Variants in FUS observed in about 807,000 individuals in gnomAD.
The protein encoded by FUS is FUS RNA binding protein, also known as RNA-binding protein FUS.
A neutral mutation model predicts 82.7 loss-of-function variants in FUS; 5 were observed. The ratio of observed to expected loss-of-function variants is 0.06; its 90% confidence interval spans 0.03 to 0.13. The LOEUF (loss-of-function observed/expected upper bound fraction) is 0.13. Ranked by LOEUF, FUS falls within the 10% of genes least tolerant of loss-of-function variation. The pLI is 1.00. For synonymous variants in FUS, 281 were observed against 247.4 expected (o/e 1.14, Z -1.27); for missense variants, 512 against 707.8 (o/e 0.72, Z 3.14).
At chr16:31,188,010 G>A (rs1428259539) in intron 7 of FUS, 1 of 458,846 alleles carries the variant, frequency 2.2e-6, no homozygotes, top group Non-Finnish European at 3.9e-6. Flanking sequence ...TCACTTTAAT[G>A]GGTCTCCGTT....
At chr16:31,193,454 T>A (rs145070922), downstream of FUS, 62 of 527,902 alleles carry the variant, frequency 1.2e-4, no homozygotes, top group African/African-American at 1.1e-3. Context: ...TAGTTCACTG[T>A]TGGTGCTTTG....
rs550102322 is a variant in FUS at position 31,188,691 on chromosome 16, G to A, written c.832+334G>A. On this transcript the variant is annotated intron_variant, in intron 8 of 14. Transcript: ENST00000254108. ...CAAAATGTGGATCATGTCCAAGTTG[G>A]TGAACAAAACTAGTGAAAGACCTGA... is the stretch of plus-strand genomic sequence containing the variant. 13 of 491,564 alleles carry A rather than the reference G, an allele frequency of 2.6e-5. No individual in the cohort carries two copies. The South Asian group carries it at 3.2e-4, about 12-fold the overall frequency. The allele number at this position is 491,564 out of a possible 1,614,324, so 30.5% of individuals were successfully genotyped here.
At chr16:31,190,428 C>G (rs777813607) in intron 12 of FUS, 30 bp downstream of exon 12, 1 of 1,613,872 alleles carries the variant, frequency 6.2e-7, no homozygotes, top group Admixed American at 1.7e-5. Context: ...TTTCTTAGTT[C>G]TCTTGCATGC....
chr16:31,185,433 A>C (rs995678021), intron 6 of FUS: 17 of 654,950 alleles, frequency 2.6e-5, no homozygotes, highest in Admixed American at 9.6e-5. Context: ...AAAAAAAGAA[A>C]CCATACATAG....
In FUS at chr16:31,180,150, C is replaced by G; in HGVS notation, c.-65C>G. 6.3e-7 allele frequency: 1 copy of G among 1,589,804 alleles called. No homozygotes were observed. ...CAGGAGGCGGGGCTGCTCAGTCCTCCAGGCGTCGGTACTCAGCGGTGTTGG... is the reference window on the plus strand; with the variant it reads ...CAGGAGGCGGGGCTGCTCAGTCCTCGAGGCGTCGGTACTCAGCGGTGTTGG... On this transcript the variant is annotated 5_prime_UTR_variant, in exon 1 of 15. Coordinates refer to ENST00000254108, the MANE Select transcript of FUS (RefSeq NM_004960.4).
rs1174963505 is a variant in FUS, at chr16:31,190,110, T to C, written c.1137T>C (p.Gly379=). 3.7e-6 allele frequency: 6 copies of C among 1,613,976 alleles called. No homozygotes were observed. The highest frequency in any genetic ancestry group is 5.1e-6 in the Non-Finnish European group (6 of 1,179,998). The change falls in exon 11 of 15, where the codon GGT becomes GGC. Residue 379 remains glycine, a synonymous_variant. Transcript: ENST00000254108. The part of the protein sequence containing the change: ...ATRRADFNRG[G]GNGRGGRGRG... Reference sequence around the variant, plus strand: ...GCCGGGCAGACTTTAATCGGGGTGGTGGCAATGGTCGTGGAGGCCGAGGGC... The same window carrying C: ...GCCGGGCAGACTTTAATCGGGGTGGCGGCAATGGTCGTGGAGGCCGAGGGC...
At chr16:31,190,888 CTTAAT>C in intron 13 of FUS, 46 bp downstream of exon 13, 1 of 1,612,958 alleles carries the variant, frequency 6.2e-7, no homozygotes, top group South Asian at 1.1e-5. Flanking sequence ...CCAAAGAATC[CTTAAT>C]TTTTCAGCGG....
intron 12 of FUS, 40 bp downstream of exon 12, chr16:31,190,438 C>T (rs963233778): frequency 1.2e-5 from 19 of 1,613,316 alleles, no homozygotes; most frequent in Admixed American, 5.0e-5. Context: ...CTCTTGCATG[C>T]GTGCTCTTTG....
chr16:31,183,574 G>C, intron 3 of FUS: 1 of 460,972 alleles, frequency 2.2e-6, no homozygotes, highest in Non-Finnish European at 4.0e-6. Context: ...ATATTACAGT[G>C]CTGTTAACAG....
Position 31,186,913 on chromosome 16 carries a change from G to C in FUS, c.799+77G>C, listed in dbSNP as rs752975800. ...ATTGTTCATTTGCAGATGTCTTAGC[G>C]TGTTAATTTAAATGTCAAAGGTTTT... On this transcript the variant is annotated intron_variant, in intron 7 of 14. Coordinates refer to ENST00000254108, the MANE Select transcript of FUS (RefSeq NM_004960.4). 2.1e-5 allele frequency: 30 copies of C among 1,398,058 alleles called. No individual in the cohort carries two copies. In the East Asian group the frequency reaches 5.2e-4, roughly 24 times the overall value. The allele number at this position is 1,398,058 out of a possible 1,614,324, so 86.6% of individuals were successfully genotyped here.
In FUS at chr16:31,190,947, G is replaced by T. The variant is rs377713730; in HGVS notation, c.1394-16G>T. On this transcript the variant is annotated splice_polypyrimidine_tract_variant and intron_variant, in intron 13 of 14. Transcript: ENST00000254108. ...GGGGAATGGGAATATGATAGATCTT[G>T]TTTCTTTTGTCCTAGGGGGTAACTA... 1.1e-5 allele frequency: 17 copies of T among 1,610,588 alleles called. No individual in the cohort carries two copies. The highest frequency in any genetic ancestry group is 1.4e-5 in the Non-Finnish European group (17 of 1,177,604).
chr16:31,190,428 C>T lies in FUS; in HGVS notation c.1292+30C>T, dbSNP rs777813607. On this transcript the variant is annotated intron_variant, in intron 12 of 14. Coordinates refer to ENST00000254108, the MANE Select transcript of FUS (RefSeq NM_004960.4). ...GTGAAACTTAATTTTTTTCTTAGTT[C>T]TCTTGCATGCGTGCTCTTTGATATA... is the stretch of plus-strand genomic sequence containing the variant. 52 of 1,613,754 alleles carry T rather than the reference C, an allele frequency of 3.2e-5. No individual in the cohort carries two copies. In the East Asian group the frequency reaches 8.9e-4, roughly 28 times the overall value.
rs1555509432 is a variant in FUS, at chr16:31,190,022, G to A, written c.1067-18G>A. ...TGTCTTGCATTTAAAGTCTGTTGAT[G>A]ATTTTTTGTTTCTCTAGGTAAAGAA... On this transcript the variant is annotated intron_variant, in intron 10 of 14. Coordinates refer to ENST00000254108, the MANE Select transcript of FUS (RefSeq NM_004960.4). 2 of 1,601,992 alleles carry A rather than the reference G, an allele frequency of 1.2e-6. No homozygotes were observed. The highest frequency in any genetic ancestry group is 3.5e-5 in the Admixed American group (2 of 57,248).
At chr16:31,185,559 A>G (rs772300155) in intron 6 of FUS, 3 of 544,288 alleles carry the variant, frequency 5.5e-6, no homozygotes, top group Non-Finnish European at 7.1e-6. Flanking sequence ...GAAACTTGGT[A>G]TGTGTATTCC....
chr16:31,186,900 C>CA, intron 7 of FUS, 64 bp downstream of exon 7: 1 of 1,443,112 alleles, frequency 6.9e-7, no homozygotes, highest in East Asian at 2.3e-5. Flanking sequence ...TGTTCATTTG[C>CA]AGATGTCTTA....
downstream of FUS, chr16:31,193,683 G>C (rs1225091669): frequency 3.8e-6 from 2 of 532,648 alleles, no homozygotes; most frequent in Admixed American, 4.4e-5. Flanking sequence ...GGATCTTCCA[G>C]GAGAATGGAT....
intron 6 of FUS, chr16:31,185,447 C>T (rs1048122102): frequency 2.4e-5 from 16 of 662,372 alleles, no homozygotes; most frequent in African/African-American, 7.1e-5. Flanking sequence ...TACATAGATA[C>T]GTATGGATTG....
intron 5 of FUS, 82 bp from the exon 6 acceptor site, chr16:31,184,857 T>C: frequency 7.0e-7 from 1 of 1,430,946 alleles, no homozygotes; most frequent in Non-Finnish European, 9.8e-7. Context: ...TGCCTGGCAC[T>C]TGTCAAACCT....
intron 3 of FUS, 135 bp from the exon 4 acceptor site, chr16:31,183,723 C>T (rs999687397): frequency 1.8e-5 from 19 of 1,047,762 alleles, no homozygotes; most frequent in African/African-American, 3.1e-5. Context: ...CTATCTTTGC[C>T]TATGAGTTGC....
Sources: gnomAD v4.1 joint callset for allele counts on GRCh38, gnomAD v4.1.1 for gene constraint, MANE v1.5 for transcripts, NCBI Gene and HGNC (gene_info 2026-07-23, HGNC 2026-07-21) for gene names.